CRHR1: variants seen among roughly 807,000 people sequenced by gnomAD.
CRHR1 encodes the protein corticotropin releasing hormone receptor 1, also known as corticotropin-releasing hormone receptor 1.
A neutral mutation model predicts 56.0 loss-of-function variants in CRHR1; 28 were observed. The ratio of observed to expected loss-of-function variants is 0.50; its 90% confidence interval spans 0.37 to 0.69. The LOEUF (loss-of-function observed/expected upper bound fraction) is 0.69, where lower values mean the gene tolerates loss of function less well. Ranked by LOEUF, CRHR1 falls within the 30% of genes least tolerant of loss-of-function variation. CRHR1 has a pLI of 0.00. For synonymous variants in CRHR1, 195 were observed against 216.5 expected (o/e 0.90, Z 0.87); for missense variants, 376 against 548.0 (o/e 0.69, Z 3.13).
chr17:45,824,856 C>A (rs1239905091), intron 4 of CRHR1, among the ~76,000 whole-genome samples: 3 of 152,126 alleles, frequency 2.0e-5, no homozygotes, highest in African/African-American at 7.2e-5. Flanking sequence ...CTGCCGCCCC[C>A]TGTCTCTCAT....
At chr17:45,793,466 C>T (rs2061462733) in intron 1 of CRHR1, among the ~76,000 whole-genome samples, 1 of 152,324 alleles carries the variant, frequency 6.6e-6, no homozygotes, top group Non-Finnish European at 1.5e-5. Flanking sequence ...GGTTCCCTCC[C>T]TGGTGCTGTC....
chr17:45,817,652 G>A (rs2061955872), intron 3 of CRHR1, among the ~76,000 whole-genome samples: 1 of 152,238 alleles, frequency 6.6e-6, no homozygotes, highest in South Asian at 2.1e-4. Flanking sequence ...CAGCAGAGGA[G>A]TAGGAAGACC....
intron 1 of CRHR1, among the ~76,000 whole-genome samples, chr17:45,806,797 C>T (rs2061728187): frequency 6.6e-6 from 1 of 152,076 alleles, no homozygotes; most frequent in African/African-American, 2.4e-5. Flanking sequence ...CCTCCAAGAG[C>T]AGGGCAACTC....
chr17:45,791,597 T>C (rs2061426084), intron 1 of CRHR1, among the ~76,000 whole-genome samples: 1 of 152,132 alleles, frequency 6.6e-6, no homozygotes, highest in Non-Finnish European at 1.5e-5. Flanking sequence ...TTCCTCTCTG[T>C]TTCTCACAAG....
At chr17:45,802,430 A>T (rs1266792901) in intron 1 of CRHR1, among the ~76,000 whole-genome samples, 1 of 152,228 alleles carries the variant, frequency 6.6e-6, no homozygotes, top group Admixed American at 6.5e-5. Context: ...ATTGATGGAG[A>T]TAGAAAACCA....
At chr17:45,817,947 A>C (rs745881379) in intron 3 of CRHR1, among the ~76,000 whole-genome samples, 23 of 152,316 alleles carry the variant, frequency 1.5e-4, no homozygotes, top group Middle Eastern at 3.4e-3. Flanking sequence ...CAGAGAGGCT[A>C]ATAACCTATC....
intron 1 of CRHR1, among the ~76,000 whole-genome samples, chr17:45,790,949 TGGTCA>T (rs1447167331): frequency 6.6e-6 from 1 of 152,190 alleles, no homozygotes; most frequent in Non-Finnish European, 1.5e-5. Context: ...TCATCATCCC[TGGTCA>T]GTACCAAAGC....
chr17:45,786,811 T>A (rs560334087), intron 1 of CRHR1, among the ~76,000 whole-genome samples: 1 of 152,028 alleles, frequency 6.6e-6, no homozygotes, highest in East Asian at 1.9e-4. Flanking sequence ...CAGCTAATCT[T>A]TGTATTTTTT....
chr17:45,797,007 C>T (rs548771548), intron 1 of CRHR1, among the ~76,000 whole-genome samples: 38 of 152,372 alleles, frequency 2.5e-4, no homozygotes, highest in Non-Finnish European at 4.6e-4. Context: ...ATGGGAGCTA[C>T]GCTCCGGGCA....
intron 7 of CRHR1, 154 bp downstream of exon 7, chr17:45,830,724 T>G: frequency 1.7e-6 from 2 of 1,188,370 alleles, no homozygotes; most frequent in East Asian, 2.5e-5. Flanking sequence ...CTCTTGGGGG[T>G]GGGCGGCAGT....
chr17:45,784,529 C>T lies in CRHR1; in HGVS notation c.-16C>T. ...AGGACCCGGGCATTCAGGACGGTAG[C>T]CGAGCGAGCCCGAGGATGGGAGGGC... On this transcript the variant is annotated 5_prime_UTR_variant, in exon 1 of 13. Coordinates refer to ENST00000314537, the MANE Select transcript of CRHR1 (RefSeq NM_004382.5). This position sits in a 1 kb window ranked among gnomAD's most constrained non-coding sequence, Gnocchi z 4.2. 6.5e-7 allele frequency: 1 copy of T among 1,546,538 alleles called. No homozygotes were observed. The highest frequency in any genetic ancestry group is 8.7e-7 in the Non-Finnish European group (1 of 1,146,124).
At chr17:45,830,237 G>A in intron 6 of CRHR1, 23 bp downstream of exon 6, 4 of 1,613,194 alleles carry the variant, frequency 2.5e-6, no homozygotes, top group South Asian at 1.1e-5. Flanking sequence ...AGGGGAGCGG[G>A]GAGCAGGTCA....
At position 45,811,692 on chromosome 17, in the gene CRHR1, C is replaced by G. The variant is rs145335435; in HGVS notation, c.121+4595C>G. 8.8e-4 allele frequency among the ~76,000 whole-genome samples: 134 copies of G among 152,228 alleles called. 1 individual carries two copies. The highest frequency in any genetic ancestry group is 3.4e-3 in the Middle Eastern group (1 of 294). On this transcript the variant is annotated intron_variant, in intron 2 of 12. Coordinates refer to ENST00000314537, the MANE Select transcript of CRHR1 (RefSeq NM_004382.5). The stretch of plus-strand genomic sequence containing the variant: ...CCGGGGGTCCTTGTACTTGCAGTTG[C>G]CTCTGCTGAGAACACTTTCCCCGCA...
At position 45,821,377 on chromosome 17, in the gene CRHR1, G is replaced by C. The variant is rs753483688; in HGVS notation, c.264G>C (p.Leu88=). 1.5e-5 allele frequency: 25 copies of C among 1,613,390 alleles called. No individual in the cohort carries two copies. The Admixed American group carries it at 1.7e-4, about 11-fold the overall frequency. ...NTTNNGYREC[L]ANGSWAARVN... is the part of the protein sequence containing the mutation. ...CAGACAATGGCTACCGGGAGTGCCT[G>C]GCCAATGGCAGCTGGGCCGCCCGCG... The change falls in exon 4 of 13, where the codon CTG becomes CTC. Residue 88 remains leucine, a synonymous_variant. Coordinates refer to ENST00000314537, the MANE Select transcript of CRHR1 (RefSeq NM_004382.5).
intron 4 of CRHR1, among the ~76,000 whole-genome samples, chr17:45,823,080 G>A: frequency 6.6e-6 from 1 of 150,970 alleles, no homozygotes; most frequent in Non-Finnish European, 1.5e-5. Flanking sequence ...GGAGGCGGAG[G>A]TTGCAGTGAG....
chr17:45,833,961 G>C, intron 11 of CRHR1, 46 bp from the exon 12 acceptor site: 1 of 1,613,522 alleles, frequency 6.2e-7, no homozygotes, highest in Non-Finnish European at 8.5e-7. Context: ...AGGCTGGGTG[G>C]GCAACACCTG....
chr17:45,829,098 G>C (rs2062232870), intron 4 of CRHR1, 117 bp from the exon 5 acceptor site: 3 of 737,146 alleles, frequency 4.1e-6, no homozygotes, highest in Middle Eastern at 2.4e-4. Context: ...TGCTCAGGAA[G>C]GGGGAGTGGC....
chr17:45,806,859 C>T (rs904919863), intron 1 of CRHR1, 151 bp from the exon 2 acceptor site: 14 of 637,076 alleles, frequency 2.2e-5, no homozygotes, highest in East Asian at 5.6e-5. Flanking sequence ...AGATGAGGGG[C>T]GGGTGTCTGG....
rs1003101997 is a variant in CRHR1 at position 45,784,615 on chromosome 17, C to T, written c.33+38C>T. ...CGGCCATCCCTCGAGCGCTGGCGCC[C>T]CCGGCCCCTGGCGGACGCGGGACGG... On this transcript the variant is annotated intron_variant, in intron 1 of 12. Coordinates refer to ENST00000314537, the MANE Select transcript of CRHR1 (RefSeq NM_004382.5). The surrounding 1 kb of genome is among the most constrained non-coding windows in gnomAD (Gnocchi z 4.2). 1.3e-6 allele frequency: 2 copies of T among 1,533,120 alleles called. No individual in the cohort carries two copies. The highest frequency in any genetic ancestry group is 1.4e-5 in the African/African-American group (1 of 71,308). The allele number at this position is 1,533,120 out of a possible 1,614,324, so 95.0% of individuals were successfully genotyped here.
Sources: allele counts gnomAD v4.1 joint callset (sites outside exome capture counted in the v4.1 genomes callset), GRCh38; gene constraint gnomAD v4.1.1; non-coding constraint Gnocchi (gnomAD v3.1); transcripts MANE v1.5; gene names NCBI Gene and HGNC (gene_info 2026-07-23, HGNC 2026-07-21).